The following TLR6 variants were observed in gnomAD, a reference collection of about 807,000 sequenced individuals.
The protein encoded by TLR6 is toll-like receptor 6.
A neutral mutation model predicts 16.1 loss-of-function variants in TLR6; 9 were observed. The observed-to-expected ratio is 0.56, with a 90% CI of 0.34 to 0.98. The LOEUF (loss-of-function observed/expected upper bound fraction) is 0.98, where lower values mean the gene tolerates loss of function less well. Among genes scored for constraint, TLR6 ranks in the 50% least tolerant of loss-of-function variants. TLR6 has a pLI of 0.02. For synonymous variants in TLR6, 340 were observed against 338.6 expected, an observed-to-expected ratio of 1.00 and a Z score of -0.04; for missense variants, 786 against 921.0, an observed-to-expected ratio of 0.85 and a Z score of 1.90.
chr4:38,864,144 G>A, the TLR6 span, among the ~76,000 whole-genome samples: 1 of 152,158 alleles, frequency 6.6e-6, no homozygotes, highest in Non-Finnish European at 1.5e-5. Context: ...CTTGACCACA[G>A]TTGGTCCTAC....
intron 1 of TLR6, among the ~76,000 whole-genome samples, chr4:38,853,458 A>C (rs1014600620): frequency 6.6e-5 from 10 of 152,190 alleles, no homozygotes; most frequent in Non-Finnish European, 1.5e-4. Context: ...TGACAGGAAG[A>C]AATACTGAAA....
chr4:38,867,025 C>T, the TLR6 span, among the ~76,000 whole-genome samples: 1 of 152,204 alleles, frequency 6.6e-6, no homozygotes, highest in Non-Finnish European at 1.5e-5. Flanking sequence ...ATACTATAAA[C>T]ACTGCGCTTC....
chr4:38,847,296 A>AG (rs544433892), intron 1 of TLR6, among the ~76,000 whole-genome samples: 39 of 152,246 alleles, frequency 2.6e-4, no homozygotes, highest in African/African-American at 9.4e-4. Context: ...TGCACACATT[A>AG]GGGGGGGTGG....
the TLR6 span, among the ~76,000 whole-genome samples, chr4:38,862,590 A>ATTTTTTT: frequency 8.1e-5 from 6 of 73,710 alleles, no homozygotes; most frequent in Non-Finnish European, 9.6e-5. Flanking sequence ...CCCAATCACC[A>ATTTTTTT]TTTTTTTTTT....
At chr4:38,858,802 AGAGAGAGAGAGG>A (rs1713106313), upstream of TLR6, among the ~76,000 whole-genome samples, 10 of 123,138 alleles carry the variant, frequency 8.1e-5, no homozygotes, top group African/African-American at 3.1e-4. Flanking sequence ...GGAGAGAGAG[AGAGAGAGAGAGG>A]GAGAGAGAGA....
At chr4:38,835,062 G>C (rs1295299099) in intron 1 of TLR6, among the ~76,000 whole-genome samples, 13 of 152,040 alleles carry the variant, frequency 8.6e-5, no homozygotes, top group Admixed American at 8.5e-4. Flanking sequence ...AAGGAACAAA[G>C]GATATACAAA....
intron 1 of TLR6, among the ~76,000 whole-genome samples, chr4:38,830,657 A>T (rs1007599847): frequency 6.6e-6 from 1 of 152,152 alleles, no homozygotes; most frequent in Non-Finnish European, 1.5e-5. Context: ...CGAGGCTCCA[A>T]TGAGCTGTGA....
At chr4:38,832,649 C>A (rs1711670009) in intron 1 of TLR6, among the ~76,000 whole-genome samples, 1 of 152,120 alleles carries the variant, frequency 6.6e-6, no homozygotes, top group Non-Finnish European at 1.5e-5. Context: ...GTTCTGGGGC[C>A]CAACAACCCT....
At position 38,828,801 on chromosome 4, in the gene TLR6, G is replaced by GT. The variant is rs754176474; in HGVS notation, c.672dup (p.Leu225ThrfsTer3). 6.2e-7 allele frequency: 1 copy of GT among 1,613,998 alleles called. No individual in the cohort carries two copies. The highest frequency in any genetic ancestry group is 8.5e-7 in the Non-Finnish European group (1 of 1,179,958). ...TCATCATTCAATTTAATATTAGTCA[G>GT]TTGTAAGCACCCTAAAGTATTAACT... is the stretch of plus-strand genomic sequence containing the variant. On this transcript the variant is annotated frameshift_variant, in exon 2 of 2. Transcript: ENST00000436693. LOFTEE classifies it low-confidence loss of function (END_TRUNC).
At chr4:38,860,396 C>T (rs923823856), upstream of TLR6, among the ~76,000 whole-genome samples, 4 of 151,886 alleles carry the variant, frequency 2.6e-5, no homozygotes, top group African/African-American at 9.7e-5. Context: ...CACTTGAACC[C>T]AGGAGGCGGA....
chr4:38,828,452 G>T (rs768196238), exon 2 of TLR6: 2 of 1,614,174 alleles, frequency 1.2e-6, no homozygotes, highest in African/African-American at 1.3e-5. Flanking sequence ...TATAAAAGGT[G>T]TATCTGAAAT....
upstream of TLR6, among the ~76,000 whole-genome samples, chr4:38,857,839 G>A (rs887176989): frequency 1.8e-4 from 28 of 152,184 alleles, no homozygotes; most frequent in African/African-American, 6.3e-4. Flanking sequence ...GGAGTGGATG[G>A]ATCTCTGCTC....
chr4:38,824,555 T>G (rs974978653), exon 2 of TLR6: 15 of 151,960 alleles, frequency 9.9e-5, no homozygotes, highest in Non-Finnish European at 1.9e-4. Context: ...TCTGTGGCAG[T>G]TTTTTTTGTC....
intron 1 of TLR6, among the ~76,000 whole-genome samples, chr4:38,850,118 CCTGAATGACTA>C (rs1400500315): frequency 1.3e-5 from 2 of 152,168 alleles, no homozygotes; most frequent in Non-Finnish European, 2.9e-5. Flanking sequence ...ACAACCTGCT[CCTGAATGACTA>C]CTGGGTTCAT....
chr4:38,835,004 C>G (rs2109428754), intron 1 of TLR6, among the ~76,000 whole-genome samples: 1 of 152,246 alleles, frequency 6.6e-6, no homozygotes, highest in South Asian at 2.1e-4. Context: ...GTTGAAGTTA[C>G]TACTACAGAA....
intron 1 of TLR6, among the ~76,000 whole-genome samples, chr4:38,835,896 TAGG>T (rs1711889552): frequency 6.6e-6 from 1 of 151,724 alleles, no homozygotes; most frequent in South Asian, 2.1e-4. Context: ...AGAAATTAAA[TAGG>T]AGGTAAAAAA....
the TLR6 span, among the ~76,000 whole-genome samples, chr4:38,866,957 T>A: frequency 6.6e-6 from 1 of 152,258 alleles, no homozygotes; most frequent in African/African-American, 2.4e-5. Context: ...TCACTATTTT[T>A]AAATTGTATT....
intron 1 of TLR6, among the ~76,000 whole-genome samples, chr4:38,834,837 G>A (rs950300177): frequency 9.2e-5 from 14 of 152,150 alleles, no homozygotes; most frequent in Admixed American, 4.6e-4. Flanking sequence ...CCAGACAAGC[G>A]ACAACTGAGG....
At chr4:38,824,822 A>C (rs1299291535) in exon 2 of TLR6, 2 of 152,110 alleles carry the variant, frequency 1.3e-5, no homozygotes, top group Non-Finnish European at 2.9e-5. Flanking sequence ...TTTGAGATGG[A>C]GTCTCACTCT....
Sources: allele counts gnomAD v4.1 joint callset (sites outside exome capture counted in the v4.1 genomes callset), GRCh38; gene constraint gnomAD v4.1.1; transcripts MANE v1.5; gene names NCBI Gene and HGNC (gene_info 2026-07-23, HGNC 2026-07-21).